IGF2BP2: variants seen among roughly 807,000 people sequenced by gnomAD.
IGF2BP2 encodes insulin like growth factor 2 mRNA binding protein 2.
In IGF2BP2, 17 loss-of-function variants were observed where a neutral mutation model predicts 75.8. The observed-to-expected ratio is 0.22, with a 90% CI of 0.15 to 0.34. The LOEUF (loss-of-function observed/expected upper bound fraction) is 0.34. IGF2BP2 is among the 10% of genes least tolerant of loss of function. The pLI, the probability that IGF2BP2 is intolerant of heterozygous loss-of-function variation, is 1.00. For missense variants in IGF2BP2, 516 were observed against 772.4 expected (o/e 0.67, Z 3.93); for synonymous variants, 288 against 295.6 (o/e 0.97, Z 0.26).
Position 185,686,928 on chromosome 3 carries a change from C to T in IGF2BP2, c.812+129G>A, listed in dbSNP as rs191935872. On this transcript the variant is annotated intron_variant, in intron 7 of 15. Transcript: ENST00000382199. ...TCTACTTGGGAACAAATTTCTTAAA[C>T]ACAATCCCTCCCTGCCTCTGTTACT... 1.2e-3 allele frequency: 1,270 copies of T among 1,031,144 alleles called. 11 individuals carry two copies. Among genetic ancestry groups the T allele is most frequent in the Non-Finnish European group, 2.7e-4 (186 of 699,816 alleles). 63.9% of individuals were successfully genotyped at this position (1,031,144 alleles called of 1,614,324 possible).
At chr3:185,735,932 T>C (rs1728796674) in intron 2 of IGF2BP2, among the ~76,000 whole-genome samples, 1 of 152,142 alleles carries the variant, frequency 6.6e-6, no homozygotes. Context: ...GGGGAGAAGA[T>C]TAGTTTATAA....
intron 2 of IGF2BP2, among the ~76,000 whole-genome samples, chr3:185,819,104 C>G (rs1465707621): frequency 6.6e-6 from 1 of 151,980 alleles, no homozygotes; most frequent in African/African-American, 2.4e-5. Context: ...TTCTGTCTAC[C>G]AAACGATAAT....
intron 2 of IGF2BP2, among the ~76,000 whole-genome samples, chr3:185,731,230 G>A (rs1306106197): frequency 2.0e-5 from 3 of 150,364 alleles, no homozygotes; most frequent in Non-Finnish European, 3.0e-5. Flanking sequence ...AGCAGGCTGT[G>A]TAGCTGCATC....
At chr3:185,703,127 T>C (rs769350533) in intron 2 of IGF2BP2, among the ~76,000 whole-genome samples, 8 of 152,200 alleles carry the variant, frequency 5.3e-5, no homozygotes, top group Middle Eastern at 3.2e-3. Context: ...CTCTGGTCAA[T>C]TGATTATAGC....
intron 2 of IGF2BP2, among the ~76,000 whole-genome samples, chr3:185,804,038 C>G (rs999897106): frequency 6.6e-6 from 1 of 151,840 alleles, no homozygotes; most frequent in South Asian, 2.1e-4. Flanking sequence ...GCGGGTGGAT[C>G]ACGAGGTCAG....
intron 13 of IGF2BP2, among the ~76,000 whole-genome samples, chr3:185,650,176 T>A (rs1028041674): frequency 6.6e-6 from 1 of 151,036 alleles, no homozygotes; most frequent in Non-Finnish European, 1.5e-5. Context: ...CACCTTGGCC[T>A]CCCAAAATGC....
intron 2 of IGF2BP2, among the ~76,000 whole-genome samples, chr3:185,788,448 C>T (rs1219155870): frequency 6.6e-6 from 1 of 152,126 alleles, no homozygotes; most frequent in Non-Finnish European, 1.5e-5. Context: ...GAGCTAGAAG[C>T]TGCAGAGAGC....
In IGF2BP2 at chr3:185,692,719, T is replaced by G. The variant is rs778850503; in HGVS notation, c.384A>C (p.Ala128=). ...TETAVVNVTY[A]TREEAKIAME... ...CTTACATTTTTGCTTCTTCTCTTGTTGCATATGTGACGTTGACAACGGCGG... is the reference window on the plus strand; with the variant it reads ...CTTACATTTTTGCTTCTTCTCTTGTGGCATATGTGACGTTGACAACGGCGG... Residue 128 remains alanine (A), a synonymous_variant, in exon 5 of 16, where the codon GCA becomes GCC. Coordinates refer to ENST00000382199, the MANE Select transcript of IGF2BP2 (RefSeq NM_006548.6). The G allele has an allele frequency of 5.6e-6, 9 of 1,613,832 alleles. No homozygotes were observed. The Admixed American group carries it at 1.3e-4, about 24-fold the overall frequency.
chr3:185,805,832 C>T (rs1026671014), intron 2 of IGF2BP2, among the ~76,000 whole-genome samples: 5 of 147,806 alleles, frequency 3.4e-5, no homozygotes, highest in Admixed American at 2.1e-4. Context: ...AGTGCAGTGG[C>T]GTGATCTCGG....
intron 2 of IGF2BP2, among the ~76,000 whole-genome samples, chr3:185,778,507 T>C (rs960213392): frequency 1.3e-5 from 2 of 152,226 alleles, no homozygotes; most frequent in African/African-American, 4.8e-5. Flanking sequence ...CAGGATTAAC[T>C]GATTTGCCCA....
At chr3:185,801,010 A>T (rs762579756) in intron 2 of IGF2BP2, among the ~76,000 whole-genome samples, 16 of 152,184 alleles carry the variant, frequency 1.1e-4, no homozygotes, top group Non-Finnish European at 2.2e-4. Context: ...AAACAAACTT[A>T]TAAGAAAAAA....
chr3:185,711,553 C>T (rs142486840), intron 2 of IGF2BP2, among the ~76,000 whole-genome samples: 92 of 152,324 alleles, frequency 6.0e-4, no homozygotes, highest in African/African-American at 2.2e-3. Flanking sequence ...CTCAAGACAG[C>T]ACCATTAGCT....
At chr3:185,678,207 G>C (rs1719844013) in intron 7 of IGF2BP2, among the ~76,000 whole-genome samples, 1 of 152,182 alleles carries the variant, frequency 6.6e-6, no homozygotes, top group Admixed American at 6.5e-5. Context: ...AGTGGCAAGA[G>C]AAAAGCAATT....
chr3:185,645,669 G>A lies in IGF2BP2; in HGVS notation c.1708-46C>T. On this transcript the variant is annotated intron_variant, in intron 15 of 15. Transcript: ENST00000382199. This position sits in a 1 kb window ranked among gnomAD's most constrained non-coding sequence, Gnocchi z 4.9. ...GAGAGGAAGGGACAGGGGAAAAAAG[G>A]AACCCAGTTCTGAGGACAAACGGCA... 1.4e-6 allele frequency: 2 copies of A among 1,479,654 alleles called. No homozygotes were observed. Among genetic ancestry groups the A allele is most frequent in the East Asian group, 2.3e-5 (1 of 44,148 alleles). The allele number at this position is 1,479,654 out of a possible 1,614,324, so 91.7% of individuals were successfully genotyped here. A position where few individuals can be genotyped will look rare whatever the true frequency, so the allele number is the denominator to read the frequency against.
chr3:185,736,250 A>T (rs1728836857), intron 2 of IGF2BP2, among the ~76,000 whole-genome samples: 1 of 152,158 alleles, frequency 6.6e-6, no homozygotes, highest in South Asian at 2.1e-4. Context: ...CCACTCTTTC[A>T]CAGGGTCTGA....
At chr3:185,740,155 T>C (rs1156763546) in intron 2 of IGF2BP2, among the ~76,000 whole-genome samples, 1 of 152,126 alleles carries the variant, frequency 6.6e-6, no homozygotes, top group Non-Finnish European at 1.5e-5. Context: ...GCCTTTTTAT[T>C]TCCTTCTCAA....
At chr3:185,768,978 G>A (rs1253353116) in intron 2 of IGF2BP2, among the ~76,000 whole-genome samples, 1 of 152,354 alleles carries the variant, frequency 6.6e-6, no homozygotes, top group African/African-American at 2.4e-5. Context: ...AGTGAGCTGA[G>A]ATTACGCCAC....
At chr3:185,668,114 A>G (rs962672869) in intron 10 of IGF2BP2, among the ~76,000 whole-genome samples, 1 of 152,192 alleles carries the variant, frequency 6.6e-6, no homozygotes, top group Non-Finnish European at 1.5e-5. Context: ...ATGCCTGTAA[A>G]GATATTCATT....
At chr3:185,649,319 G>A (rs932204916) in intron 14 of IGF2BP2, 84 bp downstream of exon 14, 24 of 1,545,386 alleles carry the variant, frequency 1.6e-5, no homozygotes, top group East Asian at 1.4e-4. Context: ...GACAGAAGGC[G>A]CCAAGGGGAG....
Sources: allele counts gnomAD v4.1 joint callset (sites outside exome capture counted in the v4.1 genomes callset), GRCh38; gene constraint gnomAD v4.1.1; non-coding constraint Gnocchi (gnomAD v3.1); transcripts MANE v1.5; gene names NCBI Gene and HGNC (gene_info 2026-07-23, HGNC 2026-07-21).